Variants in AOC1 observed in about 807,000 individuals in gnomAD.
AOC1 encodes the protein amine oxidase copper containing 1, also known as diamine oxidase [copper-containing].
AOC1 carries 58 observed loss-of-function variants against 57.1 expected under a neutral mutation model. The ratio of observed to expected loss-of-function variants is 1.02; its 90% CI spans 0.82 to 1.26. The LOEUF (loss-of-function observed/expected upper bound fraction) is 1.26, where lower values mean the gene tolerates loss of function less well. Among genes scored for constraint, AOC1 ranks in the 50% most tolerant of loss-of-function variants. The pLI is 0.00. For missense variants in AOC1, 917 were observed against 1,005.3 expected (o/e 0.91, Z 1.19); for synonymous variants, 401 against 423.4 (o/e 0.95, Z 0.65).
Position 150,860,630 on chromosome 7 carries a change from T to G in AOC1, c.1986T>G (p.Asn662Lys). 1 of 1,613,674 alleles carries G rather than the reference T, an allele frequency of 6.2e-7. No homozygotes were observed. Among genetic ancestry groups the G allele is most frequent in the Non-Finnish European group, 8.5e-7 (1 of 1,179,776 alleles). Residue 662 changes from asparagine (N) to lysine (K), a missense_variant, in exon 4 of 5, where the codon AAT (asparagine) becomes AAG (lysine). Asn to Lys is a moderately conservative substitution (Grantham distance 94). Coordinates refer to ENST00000360937, the MANE Select transcript of AOC1 (RefSeq NM_001091.4). ...QFLHNNENIE[N>K]EDLVAWVTVG... ...TTCACAACAACGAGAACATTGAAAATGAGGTACTGCCCTGTCCCCAGCCCT... is the reference window on the plus strand; with the variant it reads ...TTCACAACAACGAGAACATTGAAAAGGAGGTACTGCCCTGTCCCCAGCCCT...
rs540794248 is a variant in AOC1 at position 150,853,008 on chromosome 7, C to T, written c.-17+450C>T. Among the ~76,000 whole-genome samples, 22 of 152,198 alleles carry T rather than the reference C, an allele frequency of 1.4e-4. 1 individual carries two copies. The South Asian group carries it at 4.6e-3, about 32-fold the overall frequency. ...GGTACCCTAAATGCACACTGCCAAG[C>T]AAAAGAAGCCAATCTGAAAAGGCTG... is the stretch of plus-strand genomic sequence containing the variant. On this transcript the variant is annotated intron_variant, in intron 1 of 4. Transcript: ENST00000360937.
rs770007934 is a variant in AOC1, at chr7:150,860,541, T to A, written c.1897T>A (p.Cys633Ser). 6 of 1,613,890 alleles carry A rather than the reference T, an allele frequency of 3.7e-6. No individual in the cohort carries two copies. The South Asian group carries it at 6.6e-5, about 18-fold the overall frequency. The change falls in exon 4 of 5, where the codon TGC becomes AGC. Residue 633 changes from cysteine to serine, a missense_variant. Coordinates refer to ENST00000360937, the MANE Select transcript of AOC1 (RefSeq NM_001091.4). ...GACCAAGTACCGGGAGTCGGAGCTG[T>A]GCAGCAGCAGCATCTACCACCAGAA... ...AVTKYRESELCSSSIYHQNDP... is the reference protein window; with the variant it reads ...AVTKYRESELSSSSIYHQNDP...
rs538527510 is a variant in AOC1, at chr7:150,859,051, G to A, written c.1856+3G>A. 1.9e-6 allele frequency: 3 copies of A among 1,556,648 alleles called. No individual in the cohort carries two copies. In the South Asian group the frequency reaches 3.6e-5, roughly 18 times the overall value. ...GAGCAGGCCATCACCTGGGCAAGGTGAGGAAGACCCAGGGGGCCTGGGGGA... is the reference window on the plus strand; with the variant it reads ...GAGCAGGCCATCACCTGGGCAAGGTAAGGAAGACCCAGGGGGCCTGGGGGA... On this transcript the variant is annotated splice_donor_region_variant and intron_variant, in intron 3 of 4. Transcript: ENST00000360937.
chr7:150,860,947 T>C lies in AOC1; in HGVS notation c.1994T>C (p.Leu665Pro), dbSNP rs1227557582. ...HNNENIENED[L>P]VAWVTVGFLH... Reference sequence around the variant, plus strand: ...AGCCCACCCTGTCTCCTGCAGGACCTGGTGGCCTGGGTGACGGTGGGCTTC... The same window carrying C: ...AGCCCACCCTGTCTCCTGCAGGACCCGGTGGCCTGGGTGACGGTGGGCTTC... Residue 665 changes from leucine (L) to proline (P), a missense_variant, in exon 5 of 5, where the codon CTG becomes CCG. Leu to Pro is a moderately conservative substitution (Grantham distance 98). Transcript: ENST00000360937. The C allele has an allele frequency of 6.2e-7, 1 of 1,611,824 alleles. No individual in the cohort carries two copies. The highest frequency in any genetic ancestry group is 1.1e-5 in the South Asian group (1 of 91,000).
chr7:150,853,712 T>G (rs1003062845), intron 1 of AOC1, among the ~76,000 whole-genome samples: 6 of 147,286 alleles, frequency 4.1e-5, no homozygotes, highest in Non-Finnish European at 7.5e-5. Flanking sequence ...TTTATTTATT[T>G]ATTTAAGTCT....
At chr7:150,855,290 A>G (rs1032207775) in intron 1 of AOC1, among the ~76,000 whole-genome samples, 1 of 152,184 alleles carries the variant, frequency 6.6e-6, no homozygotes, top group African/African-American at 2.4e-5. Context: ...TAGGAGGACA[A>G]GTTAGGGTCT....
Position 150,852,854 on chromosome 7 carries a change from ATGG to A in AOC1, c.-17+297_-17+299del, listed in dbSNP as rs1456666745. On this transcript the variant is annotated intron_variant, in intron 1 of 4. Transcript: ENST00000360937. This position sits in a 1 kb window ranked among gnomAD's most constrained non-coding sequence, Gnocchi z 4.6. ...GCCACCACCCCCACTGCCACTGCAC[ATGG>A]GGACAGAGGTTTGTCCTGGGGAAAG... Among the ~76,000 whole-genome samples the A allele has an allele frequency of 6.6e-6, 1 of 152,166 alleles. No individual in the cohort carries two copies.
Position 150,857,181 on chromosome 7 carries a change from G to A in AOC1, c.711G>A (p.Trp237Ter). ...DAGHWAVEQV[W>*]YNGKFYGSPE... ...GGCACTGGGCCGTGGAGCAGGTGTG[G>A]TACAACGGGAAGTTCTATGGGAGCC... Residue 237 changes from tryptophan to a stop codon, truncating the protein, a stop_gained, in exon 2 of 5, where the codon TGG becomes TGA. Coordinates refer to ENST00000360937, the MANE Select transcript of AOC1 (RefSeq NM_001091.4). LOFTEE classifies it high-confidence loss of function. This position sits in a 1 kb window ranked among gnomAD's most constrained non-coding sequence, Gnocchi z 6.6. 6.2e-7 allele frequency: 1 copy of A among 1,613,534 alleles called. No homozygotes were observed. Among genetic ancestry groups the A allele is most frequent in the Non-Finnish European group, 8.5e-7 (1 of 1,179,708 alleles).
rs1799659284 is a variant in AOC1, at chr7:150,852,777, A to T, written c.-17+219A>T. On this transcript the variant is annotated intron_variant, in intron 1 of 4. Coordinates refer to ENST00000360937, the MANE Select transcript of AOC1 (RefSeq NM_001091.4). The surrounding 1 kb of genome is among the most constrained non-coding windows in gnomAD (Gnocchi z 4.6). ...GTGGAGTGGGGAAAGCTCAGAGAGG[A>T]GGGTGAGCAGGGAGAGGGCTTGCTT... 6.6e-6 allele frequency among the ~76,000 whole-genome samples: 1 copy of T among 152,044 alleles called. No homozygotes were observed. Among genetic ancestry groups the T allele is most frequent in the Non-Finnish European group, 1.5e-5 (1 of 68,002 alleles).
chr7:150,858,080 A>T, intron 2 of AOC1, 40 bp downstream of exon 2: 1 of 1,493,858 alleles, frequency 6.7e-7, no homozygotes, highest in Non-Finnish European at 8.9e-7. Flanking sequence ...AAACATCTGC[A>T]TCCAGCCAAT....
In AOC1 at chr7:150,861,184, A is replaced by G; in HGVS notation, c.2231A>G (p.Tyr744Cys). 6.2e-7 allele frequency: 1 copy of G among 1,604,678 alleles called. No individual in the cohort carries two copies. The highest frequency in any genetic ancestry group is 1.3e-5 in the African/African-American group (1 of 74,902). The change falls in exon 5 of 5, where the codon TAC becomes TGC. Residue 744 changes from tyrosine to cysteine, a missense_variant. Coordinates refer to ENST00000360937, the MANE Select transcript of AOC1 (RefSeq NM_001091.4). This position sits in a 1 kb window ranked among gnomAD's most constrained non-coding sequence, Gnocchi z 4.5. ...RDCSMPPPFSYNGTYRPV is the reference protein window; with the variant it reads ...RDCSMPPPFSCNGTYRPV ...TGCTCGATGCCTCCCCCTTTTAGCTACAATGGGACCTATAGACCTGTGTGA... is the reference window on the plus strand; with the variant it reads ...TGCTCGATGCCTCCCCCTTTTAGCTGCAATGGGACCTATAGACCTGTGTGA...
rs1799781338 is a variant in AOC1, at chr7:150,856,573, G to C, written c.103G>C (p.Asp35His). The C allele has an allele frequency of 6.2e-7, 1 of 1,614,012 alleles. No individual in the cohort carries two copies. The highest frequency in any genetic ancestry group is 1.1e-5 in the South Asian group (1 of 91,082). The change falls in exon 2 of 5, where the codon GAC becomes CAC. Residue 35 changes from aspartate to histidine, a missense_variant. Asp to His is a moderately conservative substitution (Grantham distance 81). Transcript: ENST00000360937. This position sits in a 1 kb window ranked among gnomAD's most constrained non-coding sequence, Gnocchi z 5.2. ...GCCCAGGAAGGCAGGGGTGTTTTCAGACCTAAGCAACCAAGAGCTGAAGGC... is the reference window on the plus strand; with the variant it reads ...GCCCAGGAAGGCAGGGGTGTTTTCACACCTAAGCAACCAAGAGCTGAAGGC... Reference protein sequence around the residue: ...TLPRKAGVFSDLSNQELKAVH... With the variant: ...TLPRKAGVFSHLSNQELKAVH...
Position 150,856,819 on chromosome 7 carries a change from G to C in AOC1, c.349G>C (p.Gly117Arg). The C allele has an allele frequency of 6.2e-7, 1 of 1,614,032 alleles. No homozygotes were observed. Among genetic ancestry groups the C allele is most frequent in the Non-Finnish European group, 8.5e-7 (1 of 1,179,966 alleles). ...TCCCAATGTCACCGAGTTTGCTGTG[G>C]GGCCCCTGCCAGGGCCCTGCTACAT... ...EHPNVTEFAV[G>R]PLPGPCYMRA... The change falls in exon 2 of 5, where the codon GGG becomes CGG. Residue 117 changes from glycine to arginine, a missense_variant. Gly to Arg is a moderately radical substitution (Grantham distance 125). Transcript: ENST00000360937. The surrounding 1 kb of genome is among the most constrained non-coding windows in gnomAD (Gnocchi z 5.2).
At position 150,856,465 on chromosome 7, in the gene AOC1, C is replaced by T. The variant is rs370750286; in HGVS notation, c.-6C>T. 5.9e-5 allele frequency: 95 copies of T among 1,609,022 alleles called. No homozygotes were observed. In the African/African-American group the frequency reaches 8.4e-4, roughly 14 times the overall value. ...TCTATTGCATTCCAGAGCCGTGGAG[C>T]GAGAGATGCCGGCCCTGGGCTGGGC... On this transcript the variant is annotated 5_prime_UTR_variant, in exon 2 of 5. Coordinates refer to ENST00000360937, the MANE Select transcript of AOC1 (RefSeq NM_001091.4). The surrounding 1 kb of genome is among the most constrained non-coding windows in gnomAD (Gnocchi z 5.2).
At position 150,857,559 on chromosome 7, in the gene AOC1, A is replaced by G. The variant is rs1799825760; in HGVS notation, c.1089A>G (p.Thr363=). The G allele has an allele frequency of 6.2e-7, 1 of 1,613,834 alleles. No individual in the cohort carries two copies. Among genetic ancestry groups the G allele is most frequent in the Non-Finnish European group, 8.5e-7 (1 of 1,179,978 alleles). ...CAGTGGCGCTGTATGGAGGACACACACCTGCAGGCATGCAGACCAAGTACC... is the reference window on the plus strand; with the variant it reads ...CAGTGGCGCTGTATGGAGGACACACGCCTGCAGGCATGCAGACCAAGTACC... ...QEAVALYGGH[T]PAGMQTKYLD... The change falls in exon 2 of 5, where the codon ACA becomes ACG. Residue 363 remains threonine, a synonymous_variant. Coordinates refer to ENST00000360937, the MANE Select transcript of AOC1 (RefSeq NM_001091.4). This position sits in a 1 kb window ranked among gnomAD's most constrained non-coding sequence, Gnocchi z 6.6.
rs761947854 is a variant in AOC1 at position 150,857,499 on chromosome 7, A to G, written c.1029A>G (p.Gly343=). ...AGGTCCTGAACGTGCACTTCGGCGG[A>G]GAGCGCATTGCCTATGAGGTCAGCG... ...GLQVLNVHFG[G]ERIAYEVSVQ... is the part of the protein sequence containing the mutation. Residue 343 remains glycine (G), a synonymous_variant, in exon 2 of 5, where the codon GGA becomes GGG. Coordinates refer to ENST00000360937, the MANE Select transcript of AOC1 (RefSeq NM_001091.4). The surrounding 1 kb of genome is among the most constrained non-coding windows in gnomAD (Gnocchi z 6.6). 46 of 1,613,514 alleles carry G rather than the reference A, an allele frequency of 2.9e-5. 1 individual carries two copies. The highest frequency in any genetic ancestry group is 3.7e-5 in the Non-Finnish European group (44 of 1,179,896).
At position 150,858,964 on chromosome 7, in the gene AOC1, G is replaced by C; in HGVS notation, c.1772G>C (p.Arg591Pro). 6.2e-7 allele frequency: 1 copy of C among 1,607,890 alleles called. No individual in the cohort carries two copies. The highest frequency in any genetic ancestry group is 8.5e-7 in the Non-Finnish European group (1 of 1,175,974). The change falls in exon 3 of 5, where the codon CGC becomes CCC. Residue 591 changes from arginine to proline, a missense_variant. Arg to Pro is a moderately radical substitution (Grantham distance 103). Coordinates refer to ENST00000360937, the MANE Select transcript of AOC1 (RefSeq NM_001091.4). ...CAGGAGAACCCCTGGGGCCACAAGCGCACGTACCGCCTGCAGATCCACTCC... is the reference window on the plus strand; with the variant it reads ...CAGGAGAACCCCTGGGGCCACAAGCCCACGTACCGCCTGCAGATCCACTCC... ...SPQENPWGHKRTYRLQIHSMA... is the reference protein window; with the variant it reads ...SPQENPWGHKPTYRLQIHSMA...
At chr7:150,860,893 A>T in intron 4 of AOC1, 50 bp from the exon 5 acceptor site, 1 of 1,570,058 alleles carries the variant, frequency 6.4e-7, no homozygotes, top group South Asian at 1.1e-5. Flanking sequence ...AGTGGCCTCC[A>T]GTGGTCAGTA....
intron 4 of AOC1, 79 bp from the exon 5 acceptor site, chr7:150,860,864 G>A: frequency 6.6e-7 from 1 of 1,525,284 alleles, no homozygotes; most frequent in Non-Finnish European, 8.8e-7. Flanking sequence ...AGGCAGAACT[G>A]AAAATGACCA....
Sources: allele counts gnomAD v4.1 joint callset (sites outside exome capture counted in the v4.1 genomes callset), GRCh38; gene constraint gnomAD v4.1.1; non-coding constraint Gnocchi (gnomAD v3.1); transcripts MANE v1.5; gene names NCBI Gene and HGNC (gene_info 2026-07-23, HGNC 2026-07-21).